TPH2: variants seen among roughly 807,000 people sequenced by gnomAD.
The protein encoded by TPH2 is tryptophan hydroxylase 2, also known as tryptophan 5-hydroxylase 2.
TPH2 carries 27 observed loss-of-function variants against 59.1 expected under a neutral mutation model. That is an observed-to-expected ratio of 0.46 (90% CI 0.34 to 0.63). TPH2 has a LOEUF of 0.63. TPH2 is among the 30% of genes least tolerant of loss of function. The pLI is 0.01. For synonymous variants in TPH2, 220 were observed against 210.5 expected (o/e 1.05, Z -0.39); for missense variants, 523 against 588.3 (o/e 0.89, Z 1.15).
At chr12:71,955,228 T>C (rs527867368) in intron 5 of TPH2, among the ~76,000 whole-genome samples, 1 of 152,338 alleles carries the variant, frequency 6.6e-6, no homozygotes, top group African/African-American at 2.4e-5. Flanking sequence ...CCGATTCAAA[T>C]CATCCCTTAA....
intron 9 of TPH2, among the ~76,000 whole-genome samples, chr12:72,028,190 C>G (rs1873621085): frequency 6.6e-6 from 1 of 152,188 alleles, no homozygotes; most frequent in African/African-American, 2.4e-5. Context: ...CATTATAAAG[C>G]TTCTCTCTGC....
At chr12:72,013,964 A>T (rs759806304) in intron 8 of TPH2, among the ~76,000 whole-genome samples, 2 of 152,096 alleles carry the variant, frequency 1.3e-5, no homozygotes, top group Non-Finnish European at 2.9e-5. Flanking sequence ...TATGAAACCC[A>T]GTGAATGGTG....
chr12:71,954,255 AT>A (rs1351500122), intron 5 of TPH2, among the ~76,000 whole-genome samples: 6 of 152,144 alleles, frequency 3.9e-5, no homozygotes, highest in African/African-American at 1.4e-4. Flanking sequence ...GAGAAACATG[AT>A]TGATTACCCA....
chr12:71,949,801 A>C (rs1871295570), intron 5 of TPH2, 146 bp downstream of exon 5: 1 of 685,730 alleles, frequency 1.5e-6, no homozygotes, highest in African/African-American at 1.8e-5. Context: ...GTAGGCTTTA[A>C]ATGCCAACAC....
In TPH2 at chr12:71,941,593, C is replaced by A. The variant is rs1453842206; in HGVS notation, c.115C>A (p.Pro39Thr). 2.5e-6 allele frequency: 4 copies of A among 1,613,836 alleles called. No individual in the cohort carries two copies. The highest frequency in any genetic ancestry group is 3.3e-5 in the Admixed American group (2 of 59,962). Residue 39 changes from proline (P) to threonine (T), a missense_variant, in exon 2 of 11, where the codon CCT becomes ACT. Physicochemically the swap from Pro to Thr is conservative, Grantham distance 38. Transcript: ENST00000333850. ...TTCGACATTCCTGAAGCTAAATAAA[C>A]CTAACTCTGGCAAAAATGACGACAA... Reference protein sequence around the residue: ...QLLGSSTLNKPNSGKNDDKGN... With the variant: ...QLLGSSTLNKTNSGKNDDKGN...
chr12:71,949,514 G>C, intron 4 of TPH2, 74 bp from the exon 5 acceptor site: 2 of 1,255,798 alleles, frequency 1.6e-6, no homozygotes, highest in Non-Finnish European at 2.3e-6. Flanking sequence ...AGACACCACA[G>C]TGATTTTCTT....
At chr12:71,983,951 C>A (rs575439550) in intron 7 of TPH2, among the ~76,000 whole-genome samples, 2 of 152,232 alleles carry the variant, frequency 1.3e-5, no homozygotes, top group African/African-American at 4.8e-5. Context: ...TTATCACTGG[C>A]GGCTAGCTTG....
chr12:71,997,266 G>A lies in TPH2; in HGVS notation c.1068+2701G>A, dbSNP rs367836902. On this transcript the variant is annotated intron_variant, in intron 8 of 10. Transcript: ENST00000333850. ...CTGGGAAAAGTCCTGTGCTTCTAAC[G>A]GCTTCTATGATTAGATTGGGCCCAC... Among the ~76,000 whole-genome samples the A allele has an allele frequency of 8.5e-5, 13 of 152,138 alleles. No individual in the cohort carries two copies. The East Asian group carries it at 1.5e-3, about 18-fold the overall frequency.
intron 6 of TPH2, among the ~76,000 whole-genome samples, chr12:71,975,365 C>G (rs1466165753): frequency 1.3e-5 from 2 of 152,052 alleles, no homozygotes; most frequent in Admixed American, 1.3e-4. Flanking sequence ...AATGAACAAA[C>G]AAACAAAACT....
intron 5 of TPH2, among the ~76,000 whole-genome samples, chr12:71,951,701 CAT>C (rs1491532245): frequency 1.0e-4 from 13 of 127,986 alleles, no homozygotes; most frequent in African/African-American, 3.3e-4. Flanking sequence ...TGTGTGTGTG[CAT>C]GTGTGTGTGT....
At chr12:71,950,029 T>C (rs981323640) in intron 5 of TPH2, among the ~76,000 whole-genome samples, 8 of 152,160 alleles carry the variant, frequency 5.3e-5, no homozygotes, top group African/African-American at 1.9e-4. Context: ...AAGTAGAGGA[T>C]TCAGCAAGAA....
chr12:71,944,563 T>G, intron 3 of TPH2, 23 bp from the exon 4 acceptor site: 2 of 1,613,842 alleles, frequency 1.2e-6, no homozygotes, highest in Non-Finnish European at 1.7e-6. Flanking sequence ...CTAATATTTT[T>G]GAACCTGCAC....
intron 4 of TPH2, among the ~76,000 whole-genome samples, chr12:71,949,372 G>A (rs967323102): frequency 1.3e-5 from 2 of 152,092 alleles, no homozygotes; most frequent in South Asian, 2.1e-4. Flanking sequence ...GTAAACTTTA[G>A]CCTGAATTGC....
At chr12:71,956,973 G>A (rs1871525928) in intron 5 of TPH2, among the ~76,000 whole-genome samples, 1 of 152,154 alleles carries the variant, frequency 6.6e-6, no homozygotes, top group African/African-American at 2.4e-5. Flanking sequence ...TGTGCTATCT[G>A]TACAACTAAT....
chr12:72,014,515 A>C (rs7304392), intron 8 of TPH2, among the ~76,000 whole-genome samples: 146,811 of 151,684 alleles, frequency 0.97, 71,089 homozygotes, highest in East Asian at 1. Context: ...CTCAGCCTCC[A>C]GAGTAGCTGG....
chr12:72,031,255 C>T lies in TPH2; in HGVS notation c.1165-3C>T. 2.5e-6 allele frequency: 4 copies of T among 1,613,304 alleles called. No homozygotes were observed. Among genetic ancestry groups the T allele is most frequent in the Non-Finnish European group, 3.4e-6 (4 of 1,179,416 alleles). On this transcript the variant is annotated splice_polypyrimidine_tract_variant and splice_region_variant and intron_variant, in intron 9 of 10. Transcript: ENST00000333850. ...TTAACAGGTTTTGTGGTATATTTTG[C>T]AGCACGCCCTTTCTGACAAGGCATG...
chr12:71,944,685 C>A lies in TPH2; in HGVS notation c.539C>A (p.Pro180Gln), dbSNP rs1327839278. 1 of 1,613,402 alleles carries A rather than the reference C, an allele frequency of 6.2e-7. No individual in the cohort carries two copies. Among genetic ancestry groups the A allele is most frequent in the Non-Finnish European group, 8.5e-7 (1 of 1,179,394 alleles). ...MYGSELDADHPGFKDNVYRQR... is the reference protein window; with the variant it reads ...MYGSELDADHQGFKDNVYRQR... ...GGTTCTGAGCTTGATGCTGACCACC[C>A]AGTAAGTGTCCAGTAAAATCTATTT... The change falls in exon 4 of 11, where the codon CCA becomes CAA. Residue 180 changes from proline (P) to glutamine (Q), a missense_variant and splice_region_variant. Coordinates refer to ENST00000333850, the MANE Select transcript of TPH2 (RefSeq NM_173353.4).
At chr12:71,941,866 T>C in intron 2 of TPH2, 133 bp downstream of exon 2, 1 of 1,034,942 alleles carries the variant, frequency 9.7e-7, no homozygotes, top group Non-Finnish European at 1.5e-6. Flanking sequence ...CCAAACTTCG[T>C]GAGGCTTTAA....
intron 8 of TPH2, among the ~76,000 whole-genome samples, chr12:71,998,043 T>A (rs1262595553): frequency 6.6e-6 from 1 of 152,162 alleles, no homozygotes; most frequent in Non-Finnish European, 1.5e-5. Flanking sequence ...CTACCTGCAG[T>A]CTTATGATGA....
Sources: allele counts gnomAD v4.1 joint callset (sites outside exome capture counted in the v4.1 genomes callset), GRCh38; gene constraint gnomAD v4.1.1; transcripts MANE v1.5; gene names NCBI Gene and HGNC (gene_info 2026-07-23, HGNC 2026-07-21).